AGBL5: variants seen among roughly 807,000 people sequenced by gnomAD.
The protein encoded by AGBL5 is AGBL carboxypeptidase 5, also known as cytosolic carboxypeptidase-like protein 5.
A neutral mutation model predicts 88.0 loss-of-function variants in AGBL5; 51 were observed. The observed-to-expected ratio is 0.58, with a 90% CI of 0.46 to 0.73. AGBL5 has a LOEUF of 0.73. Among genes scored for constraint, AGBL5 ranks in the 30% least tolerant of loss-of-function variants. AGBL5 has a pLI of 0.00. For synonymous variants in AGBL5, 446 were observed against 438.8 expected (o/e 1.02, Z -0.21); for missense variants, 1,031 against 1,162.2 (o/e 0.89, Z 1.64).
Position 27,052,928 on chromosome 2 carries a change from C to CG in AGBL5, c.-27dup, listed in dbSNP as rs1056858890. ...TTTCCCCCAGCTCTCAGGGCCAGAG[C>CG]GGGGCAGGAGGATGCTTTCCCAGCC... is the stretch of plus-strand genomic sequence containing the variant. On this transcript the variant is annotated 5_prime_UTR_variant, in exon 2 of 15. Transcript: ENST00000360131. 44 of 1,539,068 alleles carry CG rather than the reference C, an allele frequency of 2.9e-5. No homozygotes were observed. The highest frequency in any genetic ancestry group is 3.6e-5 in the Non-Finnish European group (41 of 1,134,736).
Position 27,055,017 on chromosome 2 carries a change from C to T in AGBL5, c.730-58C>T. The T allele has an allele frequency of 2.6e-6, 4 of 1,567,596 alleles. No homozygotes were observed. The South Asian group carries it at 3.4e-5, about 13-fold the overall frequency. On this transcript the variant is annotated intron_variant, in intron 5 of 14. Coordinates refer to ENST00000360131, the MANE Select transcript of AGBL5 (RefSeq NM_021831.6). ...CCTCATCCATGACACCCCCCATATA[C>T]TGTCAAAGTAGAACTACAGGGTAAC...
At chr2:27,064,264 CT>C (rs1260676205) in intron 11 of AGBL5, among the ~76,000 whole-genome samples, 1 of 139,010 alleles carries the variant, frequency 7.2e-6, no homozygotes, top group Non-Finnish European at 1.6e-5. Context: ...GTGCCAACAA[CT>C]CTCACTAGCC....
intron 11 of AGBL5, among the ~76,000 whole-genome samples, chr2:27,060,099 A>C (rs949047434): frequency 6.6e-6 from 1 of 152,264 alleles, no homozygotes; most frequent in Non-Finnish European, 1.5e-5. Flanking sequence ...CAGTGAGCCA[A>C]GATCGTGCCA....
intron 8 of AGBL5, 152 bp from the exon 9 acceptor site, chr2:27,057,151 G>T: frequency 1.2e-6 from 1 of 820,694 alleles, no homozygotes; most frequent in Non-Finnish European, 1.9e-6. Flanking sequence ...ACAGTACCAA[G>T]GTCAGCTGCT....
chr2:27,054,501 G>T, intron 4 of AGBL5, 129 bp from the exon 5 acceptor site: 4 of 820,918 alleles, frequency 4.9e-6, no homozygotes. Flanking sequence ...ATTTAACATT[G>T]TGAGGGACTA....
At position 27,056,646 on chromosome 2, in the gene AGBL5, G is replaced by A; in HGVS notation, c.1389G>A (p.Lys463=). 1 of 1,611,840 alleles carries A rather than the reference G, an allele frequency of 6.2e-7. No homozygotes were observed. The highest frequency in any genetic ancestry group is 8.5e-7 in the Non-Finnish European group (1 of 1,178,434). Residue 463 remains lysine (K), a synonymous_variant, in exon 8 of 15, where the codon AAG becomes AAA. Coordinates refer to ENST00000360131, the MANE Select transcript of AGBL5 (RefSeq NM_021831.6). ...STQVENMLYP[K]LISLNSAHFD... ...AGGTGGAAAACATGCTATATCCAAAGCTCATCTCCTTGAATTCAGCCCACT... is the reference window on the plus strand; with the variant it reads ...AGGTGGAAAACATGCTATATCCAAAACTCATCTCCTTGAATTCAGCCCACT...
intron 6 of AGBL5, 101 bp downstream of exon 6, chr2:27,055,354 C>T: frequency 1.0e-5 from 15 of 1,429,572 alleles, no homozygotes; most frequent in Non-Finnish European, 1.3e-5. Flanking sequence ...GTTCCCAGTC[C>T]TCTTGCACCC....
intron 11 of AGBL5, among the ~76,000 whole-genome samples, chr2:27,060,710 G>C (rs1558420007): frequency 3.3e-5 from 5 of 152,220 alleles, no homozygotes; most frequent in Admixed American, 2.6e-4. Context: ...TGACCATTGA[G>C]ATATTCTATC....
intron 11 of AGBL5, among the ~76,000 whole-genome samples, chr2:27,064,671 C>T (rs2148297127): frequency 6.7e-6 from 1 of 149,932 alleles, no homozygotes; most frequent in African/African-American, 2.5e-5. Context: ...ATCCTGAGAT[C>T]TCTCCCTTTC....
At chr2:27,051,200 A>G (rs1464304174), upstream of AGBL5, among the ~76,000 whole-genome samples, 6 of 152,192 alleles carry the variant, frequency 3.9e-5, no homozygotes, top group Admixed American at 2.0e-4. Flanking sequence ...AAGGGAAAGA[A>G]CTAAGCAGCA....
chr2:27,052,656 G>C, intron 1 of AGBL5: 1 of 231,180 alleles, frequency 4.3e-6, no homozygotes, highest in Non-Finnish European at 8.3e-6. Context: ...TTAAGCCACT[G>C]AGTTTTATTT....
chr2:27,055,447 A>AT (rs1161390877), intron 6 of AGBL5, 194 bp downstream of exon 6: 6 of 883,326 alleles, frequency 6.8e-6, no homozygotes, highest in Non-Finnish European at 1.0e-5. Flanking sequence ...CCAAACTAGG[A>AT]TGACTGCAGG....
chr2:27,059,431 CAT>C lies in AGBL5; in HGVS notation c.2089+28_2089+29del, dbSNP rs766352530. The C allele has an allele frequency of 1.5e-5, 25 of 1,613,532 alleles. 1 individual carries two copies. The highest frequency in any genetic ancestry group is 7.7e-5 in the South Asian group (7 of 91,080). On this transcript the variant is annotated intron_variant, in intron 11 of 14. Coordinates refer to ENST00000360131, the MANE Select transcript of AGBL5 (RefSeq NM_021831.6). The stretch of plus-strand genomic sequence containing the variant: ...TAAGCCAGTCTGGGAGCCCCTGCAA[CAT>C]GTGTTCGGTTGTCTGGGGCATTGCT...
intron 11 of AGBL5, among the ~76,000 whole-genome samples, chr2:27,066,130 G>A (rs1668974999): frequency 6.6e-6 from 1 of 150,962 alleles, no homozygotes; most frequent in Non-Finnish European, 1.5e-5. Context: ...TTGGTGGCGT[G>A]TGCCTGTTGT....
Position 27,053,874 on chromosome 2 carries a change from C to CT in AGBL5, c.388-21dup, listed in dbSNP as rs922300627. ...TCTGACAATGGCATGTTGCCCCTCC[C>CT]TCTTCCTCCTCTGCTCTTCAGATGA... is the stretch of plus-strand genomic sequence containing the variant. On this transcript the variant is annotated intron_variant, in intron 3 of 14. Transcript: ENST00000360131. The surrounding 1 kb of genome is among the most constrained non-coding windows in gnomAD (Gnocchi z 4.9). 4.4e-6 allele frequency: 7 copies of CT among 1,601,056 alleles called. No individual in the cohort carries two copies. The African/African-American group carries it at 9.4e-5, about 21-fold the overall frequency.
chr2:27,062,374 C>T (rs1668757460), intron 11 of AGBL5: 1 of 152,150 alleles, frequency 6.6e-6, no homozygotes, highest in Non-Finnish European at 1.5e-5. Flanking sequence ...AATCCACCCG[C>T]CTCGGCCTCC....
Position 27,052,776 on chromosome 2 carries a change from A to G in AGBL5, c.-46-137A>G, listed in dbSNP as rs142691089. The G allele has an allele frequency of 1.2e-3, 591 of 496,848 alleles. 5 individuals carry two copies. The highest frequency in any genetic ancestry group is 0.01 in the African/African-American group (508 of 50,554). The allele number at this position is 496,848 out of a possible 1,614,324, so 30.8% of individuals were successfully genotyped here. A position where few individuals can be genotyped will look rare whatever the true frequency, so the allele number is the denominator to read the frequency against. ...TGGCCTTTGCTGGAAGACCACTTCT[A>G]TGTTTTCTAAGAGGGAGACAGCCTT... On this transcript the variant is annotated intron_variant, in intron 1 of 14. Coordinates refer to ENST00000360131, the MANE Select transcript of AGBL5 (RefSeq NM_021831.6).
In AGBL5 at chr2:27,053,636, GTTT is replaced by G; in HGVS notation, c.387+70_387+72del. ...CTAAAAGTAGAGAGGAAAGTAAAGCGTTTTTTTTTCCTTGATACAAGTATGAAG... is the reference window on the plus strand; with the variant it reads ...CTAAAAGTAGAGAGGAAAGTAAAGCGTTTTTTCCTTGATACAAGTATGAAG... On this transcript the variant is annotated intron_variant, in intron 3 of 14. Transcript: ENST00000360131. This position sits in a 1 kb window ranked among gnomAD's most constrained non-coding sequence, Gnocchi z 4.9. 2 of 1,519,704 alleles carry G rather than the reference GTTT, an allele frequency of 1.3e-6. No individual in the cohort carries two copies. The highest frequency in any genetic ancestry group is 2.1e-5 in the Admixed American group (1 of 46,770). The allele number at this position is 1,519,704 out of a possible 1,614,324, so 94.1% of individuals were successfully genotyped here.
chr2:27,060,456 C>T (rs756776592), intron 11 of AGBL5, among the ~76,000 whole-genome samples: 2 of 152,168 alleles, frequency 1.3e-5, no homozygotes, highest in Admixed American at 6.5e-5. Flanking sequence ...TCTGGAAATA[C>T]GCTAAACCAC....
Sources: gnomAD v4.1 joint callset for allele counts (sites outside exome capture counted in the v4.1 genomes callset) on GRCh38, gnomAD v4.1.1 for gene constraint, Gnocchi (gnomAD v3.1) non-coding constraint, MANE v1.5 for transcripts, NCBI Gene and HGNC (gene_info 2026-07-23, HGNC 2026-07-21) for gene names.